FAM217A: variants seen among roughly 807,000 people sequenced by gnomAD.
FAM217A encodes the protein family with sequence similarity 217 member A, also known as protein FAM217A.
FAM217A carries 13 observed loss-of-function variants against 18.5 expected under a neutral mutation model. The observed-to-expected ratio is 0.70, with a 90% confidence interval of 0.46 to 1.12. FAM217A has a LOEUF of 1.12. Ranked by LOEUF, FAM217A falls within the 50% of genes most tolerant of loss-of-function variation. The probability of loss-of-function intolerance (pLI) is 0.00; values close to 1 mark genes in which losing one functional copy is unlikely to be tolerated. For synonymous variants in FAM217A, 161 were observed against 202.8 expected (o/e 0.79, Z 1.75); for missense variants, 560 against 575.4 (o/e 0.97, Z 0.27).
rs143865169 is a variant in FAM217A, at chr6:4,070,010, T to C, written c.303-90A>G. On this transcript the variant is annotated intron_variant, in intron 6 of 6. Transcript: ENST00000274673. ...ACAGTTAAGTACCCTTTATCAAAGA[T>C]TGGTTAATGTTTAGTTCCCAATGGC... The C allele has an allele frequency of 1.9e-4, 188 of 981,788 alleles. 2 individuals are homozygous for C. The East Asian group carries it at 3.8e-3, about 20-fold the overall frequency. 60.8% of individuals were successfully genotyped at this position (981,788 alleles called of 1,614,324 possible).
chr6:4,076,048 C>T (rs1310708020), intron 2 of FAM217A, among the ~76,000 whole-genome samples: 1 of 151,936 alleles, frequency 6.6e-6, no homozygotes, highest in South Asian at 2.1e-4. Flanking sequence ...GGGTGAGGGC[C>T]GGGCGCAGTG....
rs1247972259 is a variant in FAM217A, at chr6:4,069,507, G to C, written c.716C>G (p.Thr239Ser). The C allele has an allele frequency of 6.2e-7, 1 of 1,614,196 alleles. No individual in the cohort carries two copies. The highest frequency in any genetic ancestry group is 8.5e-7 in the Non-Finnish European group (1 of 1,180,026). Residue 239 changes from threonine (T) to serine (S), a missense_variant, in exon 7 of 7, where the codon ACC becomes AGC. Thr to Ser is a moderately conservative substitution (Grantham distance 58). Transcript: ENST00000274673. ...ETIKNVEEPF[T>S]EEPNEVFPYP... ...TGGAAATACTTCATTTGGCTCCTCG[G>C]TGAAAGGTTCCTCAACATTTTTTAT...
Position 4,078,981 on chromosome 6 carries a change from G to C in FAM217A, c.-164C>G. 1 of 497,870 alleles carries C rather than the reference G, an allele frequency of 2.0e-6. No homozygotes were observed. Among genetic ancestry groups the C allele is most frequent in the Non-Finnish European group, 3.5e-6 (1 of 282,822 alleles). The allele number at this position is 497,870 out of a possible 1,614,324, so 30.8% of individuals were successfully genotyped here. On this transcript the variant is annotated 5_prime_UTR_variant, in exon 1 of 7. Transcript: ENST00000274673. ...TGCCGCGGCCTTCCTGCAGCGGGGG[G>C]ACAAAGAGGGCGGCGGGCGGCTGGC...
intron 6 of FAM217A, among the ~76,000 whole-genome samples, chr6:4,072,939 T>C (rs1769526360): frequency 6.6e-6 from 1 of 152,234 alleles, no homozygotes; most frequent in Admixed American, 6.5e-5. Flanking sequence ...GTGATTTAAA[T>C]GAATTACTAC....
intron 2 of FAM217A, among the ~76,000 whole-genome samples, chr6:4,084,166 T>C (rs13220866): frequency 0.064 from 9,780 of 152,310 alleles, 368 homozygotes; most frequent in African/African-American, 0.078. Context: ...GAAATATATA[T>C]GCAAATATTT....
At chr6:4,080,061 T>A (rs114363419), upstream of FAM217A, among the ~76,000 whole-genome samples, 38,615 of 151,792 alleles carry the variant, frequency 0.25, 5,716 homozygotes, top group African/African-American at 0.4. Context: ...AATTATATAT[T>A]TAGGTACAGC....
chr6:4,073,709 TAAC>T (rs748496760), intron 4 of FAM217A, among the ~76,000 whole-genome samples: 5 of 152,226 alleles, frequency 3.3e-5, no homozygotes, highest in Non-Finnish European at 7.3e-5. Flanking sequence ...ACTAAACTGT[TAAC>T]TAATAAGACT....
chr6:4,074,757 C>T (rs1354824490), intron 2 of FAM217A, 96 bp from the exon 3 acceptor site: 1 of 870,304 alleles, frequency 1.1e-6, no homozygotes, highest in East Asian at 2.5e-5. Context: ...TGACGAAAGG[C>T]ACAAAGCTTC....
intron 1 of FAM217A, 76 bp from the exon 2 acceptor site, chr6:4,077,524 TC>T: frequency 8.1e-7 from 1 of 1,231,150 alleles, no homozygotes; most frequent in Non-Finnish European, 1.2e-6. Context: ...AGTTTTGATT[TC>T]CCATCTAAAG....
upstream of FAM217A, among the ~76,000 whole-genome samples, chr6:4,080,854 C>G (rs991749568): frequency 1.3e-5 from 2 of 151,334 alleles, no homozygotes; most frequent in South Asian, 4.2e-4. Flanking sequence ...CATTACACTT[C>G]TAACTCACAA....
At chr6:4,077,947 A>G (rs1769949654) in intron 1 of FAM217A, among the ~76,000 whole-genome samples, 1 of 152,130 alleles carries the variant, frequency 6.6e-6, no homozygotes, top group Non-Finnish European at 1.5e-5. Context: ...AGGTACCTAA[A>G]GGGTTTTAAC....
intron 1 of FAM217A, among the ~76,000 whole-genome samples, 164 bp downstream of exon 1, chr6:4,078,688 G>A (rs1770037007): frequency 6.6e-6 from 1 of 152,208 alleles, no homozygotes. Flanking sequence ...GGAGCTTTAG[G>A]GGCCAGAGTG....
chr6:4,071,862 C>A (rs1769437905), intron 6 of FAM217A, among the ~76,000 whole-genome samples: 2 of 152,058 alleles, frequency 1.3e-5, no homozygotes, highest in African/African-American at 4.8e-5. Context: ...GTGAACCACT[C>A]TCCTGCTAAA....
At chr6:4,079,580 C>G, upstream of FAM217A, 2 of 1,286,634 alleles carry the variant, frequency 1.6e-6, no homozygotes, top group South Asian at 2.5e-5. Flanking sequence ...GCTGAGCTCT[C>G]CGCGACATGG....
At chr6:4,083,926 A>G (rs1349224205), upstream of FAM217A, among the ~76,000 whole-genome samples, 2 of 152,212 alleles carry the variant, frequency 1.3e-5, no homozygotes, top group Non-Finnish European at 2.9e-5. Flanking sequence ...CTAAATAATA[A>G]TATGCATTTT....
At chr6:4,077,668 CTCAGA>C (rs1315112649) in intron 1 of FAM217A, among the ~76,000 whole-genome samples, 1 of 142,128 alleles carries the variant, frequency 7.0e-6, no homozygotes, top group East Asian at 2.3e-4. Context: ...ACTGGCAGAT[CTCAGA>C]ACAGAAGATT....
intron 1 of FAM217A, 63 bp from the exon 2 acceptor site, chr6:4,077,511 G>A: frequency 7.4e-7 from 1 of 1,348,078 alleles, no homozygotes. Context: ...AAAAGAAAGT[G>A]TGAGTTTTGA....
Position 4,077,465 on chromosome 6 carries a change from A to G in FAM217A, c.-34-17T>C. ...CTTAAAATCCTACACAGATTGCGGG[A>G]TAGGCACATTTATGGGTAAGGGTCA... On this transcript the variant is annotated splice_polypyrimidine_tract_variant and intron_variant, in intron 1 of 6. Coordinates refer to ENST00000274673, the MANE Select transcript of FAM217A (RefSeq NM_173563.3). 1 of 1,585,340 alleles carries G rather than the reference A, an allele frequency of 6.3e-7. No individual in the cohort carries two copies.
In FAM217A at chr6:4,069,534, G is replaced by T. The variant is rs1358628160; in HGVS notation, c.689C>A (p.Thr230Lys). 1 of 1,613,952 alleles carries T rather than the reference G, an allele frequency of 6.2e-7. No homozygotes were observed. Among genetic ancestry groups the T allele is most frequent in the Admixed American group, 1.7e-5 (1 of 59,988 alleles). ...GAAAGGTTCCTCAACATTTTTTATT[G>T]TTTCTGGCTTCAAGTTCAGGTCCAC... is the stretch of plus-strand genomic sequence containing the variant. ...KKVDLNLKPE[T>K]IKNVEEPFTE... The change falls in exon 7 of 7, where the codon ACA (threonine) becomes AAA (lysine). Residue 230 changes from threonine (T) to lysine (K), a missense_variant. Physicochemically the swap from Thr to Lys is moderately conservative, Grantham distance 78. Coordinates refer to ENST00000274673, the MANE Select transcript of FAM217A (RefSeq NM_173563.3).
Sources: allele counts gnomAD v4.1 joint callset (sites outside exome capture counted in the v4.1 genomes callset), GRCh38; gene constraint gnomAD v4.1.1; transcripts MANE v1.5; gene names NCBI Gene and HGNC (gene_info 2026-07-23, HGNC 2026-07-21).